The following AKT3 variants were observed in gnomAD, a reference collection of about 807,000 sequenced individuals.
AKT3 encodes RAC-gamma serine/threonine-protein kinase.
Under a neutral mutation model 65.3 loss-of-function variants are expected in AKT3, and 15 were observed. The observed-to-expected ratio is 0.23, with a 90% CI of 0.15 to 0.35. AKT3 has a LOEUF of 0.35. Ranked by LOEUF, AKT3 falls within the 10% of genes least tolerant of loss-of-function variation. The probability of loss-of-function intolerance (pLI) is 1.00; values close to 1 mark genes in which losing one functional copy is unlikely to be tolerated. For missense variants in AKT3, 243 were observed against 576.5 expected (o/e 0.42, Z 5.92); for synonymous variants, 206 against 183.8 (o/e 1.12, Z -0.98).
chr1:243,807,680 C>G (rs1553456394), intron 2 of AKT3, among the ~76,000 whole-genome samples: 1 of 152,204 alleles, frequency 6.6e-6, no homozygotes, highest in Non-Finnish European at 1.5e-5. Context: ...GCTTGGAAGA[C>G]AGTAGTGGTT....
chr1:243,536,935 G>A (rs1321047108), intron 12 of AKT3, among the ~76,000 whole-genome samples: 1 of 152,078 alleles, frequency 6.6e-6, no homozygotes, highest in Non-Finnish European at 1.5e-5. Flanking sequence ...CTCTTCCGCT[G>A]GTGCATCTGT....
At chr1:243,785,318 T>C (rs916384471) in intron 2 of AKT3, among the ~76,000 whole-genome samples, 1 of 151,980 alleles carries the variant, frequency 6.6e-6, no homozygotes, top group Admixed American at 6.5e-5. Context: ...GACCTTGCGA[T>C]CTGCCCGCCT....
chr1:243,587,865 C>G (rs1028906663), intron 8 of AKT3, among the ~76,000 whole-genome samples: 2 of 151,978 alleles, frequency 1.3e-5, no homozygotes. Context: ...GAAAAGTCAA[C>G]AGGACTGAAC....
At chr1:243,699,159 G>A (rs1685256702) in intron 2 of AKT3, among the ~76,000 whole-genome samples, 1 of 152,008 alleles carries the variant, frequency 6.6e-6, no homozygotes, top group South Asian at 2.1e-4. Flanking sequence ...AAGACGGACT[G>A]CTAAAAGTCA....
At chr1:243,489,301 G>C (rs1414722379) in intron 13 of AKT3, among the ~76,000 whole-genome samples, 1 of 152,262 alleles carries the variant, frequency 6.6e-6, no homozygotes, top group Non-Finnish European at 1.5e-5. Context: ...GCAGGACCCA[G>C]AGAAGCGGAG....
intron 8 of AKT3, among the ~76,000 whole-genome samples, chr1:243,580,839 G>A (rs1265863508): frequency 6.6e-6 from 1 of 152,124 alleles, no homozygotes; most frequent in African/African-American, 2.4e-5. Flanking sequence ...GCCTAGTTGA[G>A]TAGCCTGAGC....
chr1:243,586,293 G>A (rs1181587832), intron 8 of AKT3, among the ~76,000 whole-genome samples: 1 of 152,164 alleles, frequency 6.6e-6, no homozygotes, highest in African/African-American at 2.4e-5. Flanking sequence ...AACACTGTTG[G>A]TGGGAATGTA....
At chr1:243,702,435 T>C (rs1055299473) in intron 2 of AKT3, among the ~76,000 whole-genome samples, 1 of 152,154 alleles carries the variant, frequency 6.6e-6, no homozygotes, top group African/African-American at 2.4e-5. Flanking sequence ...AGGGTCCTCA[T>C]CTGAAAAACA....
intron 1 of AKT3, among the ~76,000 whole-genome samples, chr1:243,848,845 A>G (rs560304599): frequency 6.6e-6 from 1 of 152,378 alleles, no homozygotes; most frequent in African/African-American, 2.4e-5. Context: ...CATCAATTGC[A>G]AACTACCAGG....
chr1:243,621,829 T>C (rs907547877), intron 6 of AKT3, among the ~76,000 whole-genome samples: 1 of 152,150 alleles, frequency 6.6e-6, no homozygotes, highest in Non-Finnish European at 1.5e-5. Context: ...CCACTCATAC[T>C]CTACATTCAA....
At chr1:243,641,566 G>T (rs2147827558) in intron 5 of AKT3, among the ~76,000 whole-genome samples, 1 of 151,986 alleles carries the variant, frequency 6.6e-6, no homozygotes, top group African/African-American at 2.4e-5. Context: ...AAAACAATCT[G>T]TAAAATGCTT....
chr1:243,518,103 C>T (rs193195079), intron 12 of AKT3, among the ~76,000 whole-genome samples: 1 of 152,186 alleles, frequency 6.6e-6, no homozygotes, highest in African/African-American at 2.4e-5. Context: ...GTTTCTTGAT[C>T]TCAAGGTCTT....
At position 243,499,860 on chromosome 1, in the gene AKT3, A is replaced by G; in HGVS notation, c.*5389T>C. The stretch of plus-strand genomic sequence containing the variant: ...TCATCTGGTTTAGACTTAATATGCC[A>G]CAACGCACCACGACCTTCCCAGGGT... On this transcript the variant is annotated 3_prime_UTR_variant, in exon 14 of 14. Transcript: ENST00000673466. 2 of 1,408,310 alleles carry G rather than the reference A, an allele frequency of 1.4e-6. No homozygotes were observed. Among genetic ancestry groups the G allele is most frequent in the Non-Finnish European group, 1.0e-6 (1 of 1,002,254 alleles). 87.2% of individuals were successfully genotyped at this position (1,408,310 alleles called of 1,614,324 possible). A position where few individuals can be genotyped will look rare whatever the true frequency, so the allele number is the denominator to read the frequency against.
intron 2 of AKT3, among the ~76,000 whole-genome samples, chr1:243,726,276 T>C (rs1170879298): frequency 6.6e-6 from 1 of 151,728 alleles, no homozygotes; most frequent in Non-Finnish European, 1.5e-5. Context: ...TATTTAGGTA[T>C]TAAAGGATGT....
intron 4 of AKT3, among the ~76,000 whole-genome samples, chr1:243,662,696 T>TA (rs1409566372): frequency 1.4e-5 from 2 of 147,650 alleles, no homozygotes; most frequent in Non-Finnish European, 1.5e-5. Flanking sequence ...CCCTGAAACT[T>TA]AAAGTATAAT....
intron 2 of AKT3, among the ~76,000 whole-genome samples, chr1:243,730,204 A>G (rs1687461996): frequency 2.6e-5 from 4 of 152,112 alleles, no homozygotes; most frequent in Admixed American, 2.6e-4. Context: ...CAATCAGCAC[A>G]CACTTCCTCC....
At chr1:243,709,149 A>G (rs1198249482) in intron 2 of AKT3, among the ~76,000 whole-genome samples, 1 of 151,732 alleles carries the variant, frequency 6.6e-6, no homozygotes, top group Non-Finnish European at 1.5e-5. Flanking sequence ...CAGTGGTATG[A>G]TAGACCTTTA....
intron 5 of AKT3, among the ~76,000 whole-genome samples, chr1:243,645,393 T>A (rs78070702): frequency 0.021 from 3,269 of 152,264 alleles, 55 homozygotes; most frequent in Non-Finnish European, 0.034. Flanking sequence ...GAAGGAAAAG[T>A]CTATTTCCCT....
chr1:243,552,960 T>G lies in AKT3; in HGVS notation c.949-17A>C, dbSNP rs1325159050. On this transcript the variant is annotated splice_polypyrimidine_tract_variant and intron_variant, in intron 10 of 13. Coordinates refer to ENST00000673466, the MANE Select transcript of AKT3 (RefSeq NM_005465.7). ...TTCTAACACCTAAAAGTGAAATCAG[T>G]AAAAAGATTAATTATTACATGTTAA... is the stretch of plus-strand genomic sequence containing the variant. The G allele has an allele frequency of 6.6e-7, 1 of 1,526,338 alleles. No individual in the cohort carries two copies. Among genetic ancestry groups the G allele is most frequent in the East Asian group, 2.3e-5 (1 of 44,028 alleles). The allele number at this position is 1,526,338 out of a possible 1,614,324, so 94.5% of individuals were successfully genotyped here. A position where few individuals can be genotyped will look rare whatever the true frequency, so the allele number is the denominator to read the frequency against.
Sources: allele counts gnomAD v4.1 joint callset (sites outside exome capture counted in the v4.1 genomes callset), GRCh38; gene constraint gnomAD v4.1.1; transcripts MANE v1.5; gene names NCBI Gene and HGNC (gene_info 2026-07-23, HGNC 2026-07-21).